The following ME1 variants were observed in gnomAD, a reference collection of about 807,000 sequenced individuals.
ME1 encodes the protein malic enzyme 1, also known as NADP-dependent malic enzyme.
ME1 carries 74 observed loss-of-function variants against 66.4 expected under a neutral mutation model. The ratio of observed to expected loss-of-function variants is 1.11; its 90% CI spans 0.92 to 1.35. ME1 has a LOEUF of 1.35. ME1 is among the 40% of genes most tolerant of loss of function. ME1 has a pLI of 0.00. For missense variants in ME1, 750 were observed against 694.1 expected, an observed-to-expected ratio of 1.08 and a Z score of -0.90; for synonymous variants, 251 against 235.6, an observed-to-expected ratio of 1.07 and a Z score of -0.60.
chr6:83,366,952 C>G (rs887152284), intron 3 of ME1, among the ~76,000 whole-genome samples: 2 of 152,174 alleles, frequency 1.3e-5, no homozygotes, highest in African/African-American at 4.8e-5. Context: ...ATCCATCAAA[C>G]GAATCACTGT....
intron 7 of ME1, among the ~76,000 whole-genome samples, chr6:83,243,829 A>ATATATAATATAAATTATATATATAAT (rs1378963885): frequency 1.5e-5 from 2 of 133,146 alleles, no homozygotes; most frequent in East Asian, 4.0e-4. Context: ...ATATAATATA[A>ATATATAATATAAATTATATATATAAT]TATATAATAT....
At chr6:83,302,055 T>C (rs915369601) in intron 6 of ME1, among the ~76,000 whole-genome samples, 1 of 152,054 alleles carries the variant, frequency 6.6e-6, no homozygotes, top group Non-Finnish European at 1.5e-5. Flanking sequence ...TCAACCTAAA[T>C]GCCCATCAAT....
intron 3 of ME1, 139 bp from the exon 4 acceptor site, chr6:83,352,278 T>C (rs942826047): frequency 1.0e-4 from 49 of 479,808 alleles, no homozygotes; most frequent in African/African-American, 9.1e-4. Flanking sequence ...ATTATTTCCT[T>C]AAACAAATAA....
At chr6:83,255,960 A>T (rs1481365571) in intron 6 of ME1, among the ~76,000 whole-genome samples, 1 of 152,186 alleles carries the variant, frequency 6.6e-6, no homozygotes, top group African/African-American at 2.4e-5. Context: ...ATCAAGAAAA[A>T]AATACCTCCC....
At chr6:83,332,730 G>A (rs1316916296) in intron 5 of ME1, among the ~76,000 whole-genome samples, 4 of 152,088 alleles carry the variant, frequency 2.6e-5, no homozygotes, top group Non-Finnish European at 5.9e-5. Flanking sequence ...ATACAAAGCA[G>A]TATAATGGAC....
chr6:83,359,771 G>A (rs1485422242), intron 3 of ME1, among the ~76,000 whole-genome samples: 4 of 152,308 alleles, frequency 2.6e-5, no homozygotes, highest in Non-Finnish European at 4.4e-5. Context: ...AGATTTGTGA[G>A]GGTAGCACCT....
chr6:83,341,861 G>T (rs928584806), intron 5 of ME1, among the ~76,000 whole-genome samples: 1 of 152,126 alleles, frequency 6.6e-6, no homozygotes, highest in Non-Finnish European at 1.5e-5. Flanking sequence ...AAGTACCTCT[G>T]ACTGGTTGGT....
At chr6:83,412,700 G>C (rs533469937) in intron 1 of ME1, among the ~76,000 whole-genome samples, 1 of 152,128 alleles carries the variant, frequency 6.6e-6, no homozygotes, top group East Asian at 1.9e-4. Context: ...AAACATAGAT[G>C]AATCATGTTA....
intron 4 of ME1, among the ~76,000 whole-genome samples, chr6:83,347,280 G>C (rs1026785590): frequency 6.6e-6 from 1 of 152,078 alleles, no homozygotes; most frequent in Non-Finnish European, 1.5e-5. Context: ...TAATTAACTT[G>C]AATATTTATG....
At chr6:83,212,658 T>C (rs1789914968) in intron 13 of ME1, among the ~76,000 whole-genome samples, 1 of 152,190 alleles carries the variant, frequency 6.6e-6, no homozygotes, top group Non-Finnish European at 1.5e-5. Flanking sequence ...CAGAGCTGGC[T>C]TTCTCCTTTT....
At chr6:83,265,151 T>G (rs1001275295) in intron 6 of ME1, among the ~76,000 whole-genome samples, 6 of 152,210 alleles carry the variant, frequency 3.9e-5, no homozygotes, top group Non-Finnish European at 8.8e-5. Flanking sequence ...GCAAAAAGAT[T>G]ATGACTCTCT....
chr6:83,365,083 C>T (rs553643478), intron 3 of ME1, among the ~76,000 whole-genome samples: 14 of 152,278 alleles, frequency 9.2e-5, no homozygotes, highest in African/African-American at 3.4e-4. Flanking sequence ...AGGCAGGCCA[C>T]CAACCTATGT....
At chr6:83,392,992 G>A (rs765406787) in intron 3 of ME1, 1 of 925,904 alleles carries the variant, frequency 1.1e-6, no homozygotes, top group African/African-American at 1.6e-5. Flanking sequence ...AAACTGTGGG[G>A]TGACGGCCAT....
At chr6:83,362,890 C>T (rs1210178552) in intron 3 of ME1, among the ~76,000 whole-genome samples, 1 of 152,228 alleles carries the variant, frequency 6.6e-6, no homozygotes, top group Admixed American at 6.5e-5. Context: ...GCAGTGGGCT[C>T]ATGCTCATGG....
intron 9 of ME1, among the ~76,000 whole-genome samples, chr6:83,232,895 T>C (rs964521099): frequency 3.9e-5 from 6 of 151,972 alleles, no homozygotes; most frequent in Non-Finnish European, 5.9e-5. Flanking sequence ...GTCAGAAAAA[T>C]ACAGTACAGC....
At chr6:83,427,276 G>C (rs1770390940) in intron 1 of ME1, among the ~76,000 whole-genome samples, 1 of 152,084 alleles carries the variant, frequency 6.6e-6, no homozygotes, top group African/African-American at 2.4e-5. Flanking sequence ...GTAAGGCTTA[G>C]ACTCATACAT....
intron 6 of ME1, among the ~76,000 whole-genome samples, chr6:83,313,109 G>T (rs1453610002): frequency 1.3e-5 from 2 of 152,122 alleles, no homozygotes; most frequent in Non-Finnish European, 2.9e-5. Context: ...TAGGTAACCT[G>T]TAACAATCAT....
chr6:83,238,799 A>ATATATATATAT lies in ME1; in HGVS notation c.912+739_912+740insATATATATATA, dbSNP rs1554263094. On this transcript the variant is annotated intron_variant, in intron 8 of 13. Coordinates refer to ENST00000369705, the MANE Select transcript of ME1 (RefSeq NM_002395.6). Reference sequence around the variant, plus strand: ...TTTGAAAATTTAAAGTTTCTTGAAAAATATATATATATATATATATAGCCA... The same window carrying ATATATATATAT: ...TTTGAAAATTTAAAGTTTCTTGAAAATATATATATATATATATATATATATATATATAGCCA... 7.3e-3 allele frequency among the ~76,000 whole-genome samples: 1,016 copies of ATATATATATAT among 139,260 alleles called. 14 individuals are homozygous for ATATATATATAT. Among genetic ancestry groups the ATATATATATAT allele is most frequent in the African/African-American group, 0.014 (533 of 38,676 alleles). 91.4% of individuals were successfully genotyped at this position (139,260 alleles called of 152,430 possible).
At chr6:83,274,846 G>T (rs1767147343) in intron 6 of ME1, among the ~76,000 whole-genome samples, 2 of 152,156 alleles carry the variant, frequency 1.3e-5, no homozygotes, top group Admixed American at 6.5e-5. Flanking sequence ...GTCGGCTCAT[G>T]CACAGACAGC....
Sources: gnomAD v4.1 joint callset for allele counts (sites outside exome capture counted in the v4.1 genomes callset) on GRCh38, gnomAD v4.1.1 for gene constraint, MANE v1.5 for transcripts, NCBI Gene and HGNC (gene_info 2026-07-23, HGNC 2026-07-21) for gene names.